The following REV1 variants were observed in gnomAD, a reference collection of about 807,000 sequenced individuals.
REV1 encodes translesion synthesis protein REV1.
In REV1, 42 loss-of-function variants were observed where a neutral mutation model predicts 137.4. That is an observed-to-expected ratio of 0.31 (90% confidence interval 0.24 to 0.40). The LOEUF (loss-of-function observed/expected upper bound fraction) is 0.40. Among genes scored for constraint, REV1 ranks in the 10% least tolerant of loss-of-function variants. REV1 has a pLI of 1.00. For synonymous variants in REV1, 524 were observed against 519.2 expected, an observed-to-expected ratio of 1.01 and a Z score of -0.12; for missense variants, 1,282 against 1,490.1, an observed-to-expected ratio of 0.86 and a Z score of 2.30.
At chr2:99,474,282 C>A (rs1685731245) in intron 1 of REV1, among the ~76,000 whole-genome samples, 1 of 152,134 alleles carries the variant, frequency 6.6e-6, no homozygotes, top group South Asian at 2.1e-4. Flanking sequence ...ATTTTGCACA[C>A]AATAGTTGAC....
At chr2:99,470,456 G>C (rs1973011) in intron 1 of REV1, among the ~76,000 whole-genome samples, 65,592 of 151,956 alleles carry the variant, frequency 0.43, 14,392 homozygotes, top group Admixed American at 0.58. Flanking sequence ...TTTATTCAAA[G>C]ACCTGTGCTA....
rs566874760 is a variant in REV1 at position 99,479,255 on chromosome 2, A to G, written c.-11+10562T>C. Among the ~76,000 whole-genome samples the G allele has an allele frequency of 1.0e-4, 15 of 147,238 alleles. No homozygotes were observed. The South Asian group carries it at 1.1e-3, about 11-fold the overall frequency. ...GGCAGAAGAACTGCTTGAACCAGGG[A>G]GTCAGAGGCTGCAGTCAGCCGAGAT... On this transcript the variant is annotated intron_variant, in intron 1 of 22. Transcript: ENST00000258428.
Position 99,408,010 on chromosome 2 carries a change from A to T in REV1, c.2448+19T>A. 1 of 1,418,296 alleles carries T rather than the reference A, an allele frequency of 7.1e-7. No homozygotes were observed. Among genetic ancestry groups the T allele is most frequent in the Non-Finnish European group, 9.7e-7 (1 of 1,032,986 alleles). The allele number at this position is 1,418,296 out of a possible 1,614,324, so 87.9% of individuals were successfully genotyped here. ...TACATTACACAAAGTCAGAATTTACAATGTTACTATATACTTACCCCTCTC... is the reference window on the plus strand; with the variant it reads ...TACATTACACAAAGTCAGAATTTACTATGTTACTATATACTTACCCCTCTC... On this transcript the variant is annotated intron_variant, in intron 15 of 22. Coordinates refer to ENST00000258428, the MANE Select transcript of REV1 (RefSeq NM_016316.4).
intron 2 of REV1, among the ~76,000 whole-genome samples, chr2:99,463,182 T>A (rs1377767327): frequency 6.6e-6 from 1 of 152,086 alleles, no homozygotes. Context: ...TTTTATTACA[T>A]TCTTATGATT....
At chr2:99,425,453 G>GT (rs1288221536) in intron 9 of REV1, among the ~76,000 whole-genome samples, 1 of 152,128 alleles carries the variant, frequency 6.6e-6, no homozygotes, top group African/African-American at 2.4e-5. Context: ...GAGGTGCTGG[G>GT]TATAGGATGG....
intron 3 of REV1, among the ~76,000 whole-genome samples, chr2:99,460,030 A>C (rs1684003156): frequency 6.6e-6 from 1 of 152,212 alleles, no homozygotes; most frequent in South Asian, 2.1e-4. Flanking sequence ...TGCATCTCCC[A>C]GGTTTGCAAA....
intron 8 of REV1, among the ~76,000 whole-genome samples, chr2:99,432,328 CTTTT>C (rs199919186): frequency 6.7e-6 from 1 of 149,496 alleles, no homozygotes; most frequent in South Asian, 2.1e-4. Context: ...TAGAACTGAT[CTTTT>C]TTTTTTCAAA....
At chr2:99,422,771 G>C (rs1396442805) in intron 10 of REV1, among the ~76,000 whole-genome samples, 1 of 152,138 alleles carries the variant, frequency 6.6e-6, no homozygotes, top group Non-Finnish European at 1.5e-5. Context: ...CCGTGTGCAT[G>C]TGACTGTGTA....
intron 14 of REV1, 169 bp from the exon 15 acceptor site, chr2:99,408,300 T>C: frequency 5.1e-6 from 2 of 395,950 alleles, no homozygotes; most frequent in South Asian, 1.0e-4. Context: ...AAATACCAAA[T>C]TAGTTACACT....
At chr2:99,465,903 C>A (rs1684741589) in intron 1 of REV1, among the ~76,000 whole-genome samples, 1 of 152,054 alleles carries the variant, frequency 6.6e-6, no homozygotes, top group African/African-American at 2.4e-5. Context: ...ACACTTTACC[C>A]CACACACATT....
In REV1 at chr2:99,438,971, T is replaced by TTGCTGCAAC. The variant is rs146333902; in HGVS notation, c.834_842dup (p.Leu279_Gln281dup). ...GCAAAGCATCTGTGTTTCTGGTGCT[T>TTGCTGCAAC]TGCTGCAACTGCTGCAGAGTGCAGT... On this transcript the variant is annotated inframe_insertion, in exon 6 of 23. Transcript: ENST00000258428. The TTGCTGCAAC allele has an allele frequency of 2.7e-5, 44 of 1,614,236 alleles. No homozygotes were observed. The African/African-American group carries it at 5.3e-4, about 20-fold the overall frequency.
chr2:99,486,953 T>C (rs189463633), intron 1 of REV1, among the ~76,000 whole-genome samples: 443 of 151,558 alleles, frequency 2.9e-3, no homozygotes, highest in African/African-American at 0.01. Context: ...TAGTAATAAA[T>C]GCTATGGAGA....
rs934683967 is a variant in REV1, at chr2:99,449,974, T to C, written c.182-470A>G. ...TACTCATATTTACTAAAAAGGAGAC[T>C]TACTGTAGGGCTTATTAGTAGATTT... is the stretch of plus-strand genomic sequence containing the variant. On this transcript the variant is annotated intron_variant, in intron 3 of 22. Coordinates refer to ENST00000258428, the MANE Select transcript of REV1 (RefSeq NM_016316.4). Among the ~76,000 whole-genome samples, 5 of 152,214 alleles carry C rather than the reference T, an allele frequency of 3.3e-5. No individual in the cohort carries two copies. In the East Asian group the frequency reaches 9.6e-4, roughly 29 times the overall value.
intron 3 of REV1, among the ~76,000 whole-genome samples, chr2:99,458,171 A>G (rs1683743608): frequency 6.6e-6 from 1 of 152,216 alleles, no homozygotes; most frequent in African/African-American, 2.4e-5. Context: ...AGACTGGGAG[A>G]AAATACCTGC....
chr2:99,473,577 T>C (rs1331175334), intron 1 of REV1, among the ~76,000 whole-genome samples: 1 of 152,186 alleles, frequency 6.6e-6, no homozygotes, highest in Non-Finnish European at 1.5e-5. Context: ...AATATACAAG[T>C]CTAAGATATT....
At chr2:99,461,309 TTG>T (rs1383314867) in intron 3 of REV1, among the ~76,000 whole-genome samples, 1 of 152,242 alleles carries the variant, frequency 6.6e-6, no homozygotes, top group Non-Finnish European at 1.5e-5. Context: ...TCCTGAATGA[TTG>T]TGTCCAGTCA....
intron 12 of REV1, among the ~76,000 whole-genome samples, chr2:99,413,280 T>C (rs898738144): frequency 2.0e-5 from 3 of 152,190 alleles, no homozygotes; most frequent in Non-Finnish European, 2.9e-5. Context: ...CAAAATCAAC[T>C]AAGGAATCAA....
intron 1 of REV1, among the ~76,000 whole-genome samples, chr2:99,473,340 C>G (rs1685617636): frequency 6.9e-6 from 1 of 143,980 alleles, no homozygotes; most frequent in Non-Finnish European, 1.5e-5. Context: ...TGCACTCCAG[C>G]CTGGGCGACA....
chr2:99,462,424 A>C, intron 3 of REV1, 72 bp downstream of exon 3: 2 of 1,402,010 alleles, frequency 1.4e-6, no homozygotes, highest in Admixed American at 4.4e-5. Flanking sequence ...TAAAAATAGA[A>C]TTTTAAAACA....
Sources: gnomAD v4.1 joint callset for allele counts (sites outside exome capture counted in the v4.1 genomes callset) on GRCh38, gnomAD v4.1.1 for gene constraint, MANE v1.5 for transcripts, NCBI Gene and HGNC (gene_info 2026-07-23, HGNC 2026-07-21) for gene names.